The following AKAP12 variants were observed in gnomAD, a reference collection of about 807,000 sequenced individuals.
The protein encoded by AKAP12 is A-kinase anchoring protein 12.
In AKAP12, 32 loss-of-function variants were observed where a neutral mutation model predicts 79.9. The ratio of observed to expected loss-of-function variants is 0.40; its 90% CI spans 0.30 to 0.54. The LOEUF (loss-of-function observed/expected upper bound fraction) is 0.54. Among genes scored for constraint, AKAP12 ranks in the 20% least tolerant of loss-of-function variants. AKAP12 has a pLI of 0.48. For missense variants in AKAP12, 2,074 were observed against 2,177.0 expected, an observed-to-expected ratio of 0.95 and a Z score of 0.94; for synonymous variants, 808 against 857.0, an observed-to-expected ratio of 0.94 and a Z score of 1.00.
intron 3 of AKAP12, among the ~76,000 whole-genome samples, chr6:151,315,090 A>G (rs1777207157): frequency 6.6e-6 from 1 of 151,758 alleles, no homozygotes; most frequent in African/African-American, 2.4e-5. Context: ...CTTTTCCTTG[A>G]AGGGACTGAG....
At chr6:151,324,785 A>G in intron 3 of AKAP12, 2 of 985,460 alleles carry the variant, frequency 2.0e-6, no homozygotes, top group Non-Finnish European at 2.4e-6. Flanking sequence ...TAAAATTGTG[A>G]GACCACACCA....
At position 151,349,428 on chromosome 6, in the gene AKAP12, C is replaced by T. The variant is rs1778212970; in HGVS notation, c.1037C>T (p.Ala346Val). The T allele has an allele frequency of 7.5e-6, 12 of 1,610,130 alleles. No homozygotes were observed. The highest frequency in any genetic ancestry group is 1.1e-5 in the South Asian group (1 of 90,966). The change falls in exon 4 of 5, where the codon GCC becomes GTC. Residue 346 changes from alanine to valine, a missense_variant. Transcript: ENST00000402676. ...DTEEDGKAEV[A>V]SEKLTASEQA... is the part of the protein sequence containing the mutation. ...GAAGAAGACGGAAAGGCAGAGGTTG[C>T]CTCCGAGAAACTGACCGCCTCCGAG...
At chr6:151,259,891 A>C (rs567614166) in intron 2 of AKAP12, among the ~76,000 whole-genome samples, 10 of 135,944 alleles carry the variant, frequency 7.4e-5, no homozygotes, top group African/African-American at 3.1e-4. Flanking sequence ...CTTTTCTTCA[A>C]TGTAACTTTC....
In AKAP12 at chr6:151,350,124, GT is replaced by G; in HGVS notation, c.1734del (p.Leu579TrpfsTer5). ...CCTGAGGAGCCCGAGGAGATCACGT[GT>G]CTGGAAAAGGGCTTAGCCGAGGTGC... ...SSPEEPEEIT[C>X]LEKGLAEVQQ... On this transcript the variant is annotated frameshift_variant, in exon 4 of 5. Transcript: ENST00000402676. LOFTEE classifies it high-confidence loss of function. This position sits in a 1 kb window ranked among gnomAD's most constrained non-coding sequence, Gnocchi z 4.8. 1 of 1,614,040 alleles carries G rather than the reference GT, an allele frequency of 6.2e-7. No homozygotes were observed. Among genetic ancestry groups the G allele is most frequent in the Middle Eastern group, 1.7e-4 (1 of 6,056 alleles).
At chr6:151,305,703 A>T (rs773821395) in intron 2 of AKAP12, 44 bp from the exon 3 acceptor site, 4 of 1,564,820 alleles carry the variant, frequency 2.6e-6, no homozygotes, top group Non-Finnish European at 3.5e-6. Context: ...TGACTTGGTC[A>T]TGAGGACTGA....
intron 2 of AKAP12, among the ~76,000 whole-genome samples, chr6:151,265,214 CTT>C (rs11308850): frequency 1.2e-3 from 176 of 142,298 alleles, no homozygotes; most frequent in East Asian, 6.8e-3. Context: ...AATCAAGCCT[CTT>C]TTTTTTTTTT....
chr6:151,276,036 A>G (rs766229321), intron 2 of AKAP12, among the ~76,000 whole-genome samples: 7 of 152,338 alleles, frequency 4.6e-5, no homozygotes, highest in Non-Finnish European at 4.4e-5. Flanking sequence ...TGTCACCACT[A>G]AGCATTTGTT....
chr6:151,250,500 A>AAAAT lies in AKAP12; in HGVS notation c.162+9796_162+9799dup, dbSNP rs1169289326. On this transcript the variant is annotated intron_variant, in intron 2 of 4. Transcript: ENST00000402676. ...GGGTGACAGAGTGAGACTCCATCTT[A>AAAAT]AAATAAATAAATAAATAAATAAAAT... 8.0e-5 allele frequency among the ~76,000 whole-genome samples: 12 copies of AAAAT among 150,766 alleles called. 1 individual carries two copies. Among genetic ancestry groups the AAAAT allele is most frequent in the South Asian group, 6.3e-4 (3 of 4,794 alleles).
chr6:151,255,891 A>G (rs1797283423), intron 2 of AKAP12, among the ~76,000 whole-genome samples: 1 of 152,186 alleles, frequency 6.6e-6, no homozygotes, highest in African/African-American at 2.4e-5. Context: ...TTTTAACTGA[A>G]CTTGAACTTG....
intron 2 of AKAP12, among the ~76,000 whole-genome samples, chr6:151,284,092 A>T (rs1776456333): frequency 6.6e-6 from 1 of 152,200 alleles, no homozygotes; most frequent in South Asian, 2.1e-4. Flanking sequence ...AGGTGAACGC[A>T]CGAGTAACCC....
rs1037516161 is a variant in AKAP12 at position 151,356,972 on chromosome 6, G to A, written c.*1258G>A. ...TAAACCAGTAGCTTTTCAGATTGACGTTCTTGCTACAATTGTACCATCTGG... is the reference window on the plus strand; with the variant it reads ...TAAACCAGTAGCTTTTCAGATTGACATTCTTGCTACAATTGTACCATCTGG... On this transcript the variant is annotated 3_prime_UTR_variant, in exon 5 of 5. Coordinates refer to ENST00000402676, the MANE Select transcript of AKAP12 (RefSeq NM_005100.4). The A allele has an allele frequency of 6.6e-5, 10 of 152,268 alleles. No homozygotes were observed. The highest frequency in any genetic ancestry group is 2.4e-4 in the African/African-American group (10 of 41,540). 9.4% of individuals were successfully genotyped at this position (152,268 alleles called of 1,614,324 possible). A position where few individuals can be genotyped will look rare whatever the true frequency, so the allele number is the denominator to read the frequency against.
At chr6:151,327,118 A>ATT (rs71922297) in intron 3 of AKAP12, among the ~76,000 whole-genome samples, 20,519 of 140,950 alleles carry the variant, frequency 0.15, 2,027 homozygotes, top group African/African-American at 0.27. Context: ...CCTGGCCTAC[A>ATT]TTTTTTTTTT....
chr6:151,250,172 G>A (rs955095569), intron 2 of AKAP12, among the ~76,000 whole-genome samples: 1 of 152,046 alleles, frequency 6.6e-6, no homozygotes, highest in Non-Finnish European at 1.5e-5. Flanking sequence ...TAGAGCCCGG[G>A]AAGTTGAAGC....
In AKAP12 at chr6:151,240,542, C is replaced by A; in HGVS notation, c.-21C>A. 7.0e-7 allele frequency: 1 copy of A among 1,426,096 alleles called. No homozygotes were observed. The highest frequency in any genetic ancestry group is 1.4e-5 in the South Asian group (1 of 70,228). 88.3% of individuals were successfully genotyped at this position (1,426,096 alleles called of 1,614,324 possible). A position where few individuals can be genotyped will look rare whatever the true frequency, so the allele number is the denominator to read the frequency against. On this transcript the variant is annotated 5_prime_UTR_variant, in exon 2 of 5. Coordinates refer to ENST00000402676, the MANE Select transcript of AKAP12 (RefSeq NM_005100.4). ...GAAGGCGTAACCCGGCGGCTAGGCG[C>A]GGGAGAAGTGCGGAGGAGCCATGGG...
In AKAP12 at chr6:151,350,943, A is replaced by C; in HGVS notation, c.2552A>C (p.Glu851Ala). The change falls in exon 4 of 5, where the codon GAG (glutamate) becomes GCG (alanine). Residue 851 changes from glutamate to alanine, a missense_variant. Physicochemically the swap from Glu to Ala is moderately radical, Grantham distance 107. This residue lies in a region of AKAP12 where 1,428 missense variants were observed against 1,451.0 expected (regional missense o/e 0.98). Coordinates refer to ENST00000402676, the MANE Select transcript of AKAP12 (RefSeq NM_005100.4). This position sits in a 1 kb window ranked among gnomAD's most constrained non-coding sequence, Gnocchi z 4.8. ...GTCCCGGCCGTGGTCCCTCTGTCTGAGTATGATGCTGTAGAAAGGGAGAAA... is the reference window on the plus strand; with the variant it reads ...GTCCCGGCCGTGGTCCCTCTGTCTGCGTATGATGCTGTAGAAAGGGAGAAA... ...SDVPAVVPLS[E>A]YDAVEREKME... 6.2e-7 allele frequency: 1 copy of C among 1,614,024 alleles called. No individual in the cohort carries two copies. Among genetic ancestry groups the C allele is most frequent in the South Asian group, 1.1e-5 (1 of 91,072 alleles).
Position 151,305,757 on chromosome 6 carries a change from A to G in AKAP12, c.173A>G (p.Lys58Arg), listed in dbSNP as rs1366269948. The change falls in exon 3 of 5, where the codon AAG (lysine) becomes AGG (arginine). Residue 58 changes from lysine (K) to arginine (R), a missense_variant. Lys to Arg is a conservative substitution (Grantham distance 26). This residue lies in a region of AKAP12 where 1,428 missense variants were observed against 1,451.0 expected (regional missense o/e 0.98). Transcript: ENST00000402676. ...ASDPATKLLQ[K>R]NGQLSTINGV... ...TTGTCTTTTCCATAGCTCCTACAGAAGAATGGTCAGCTGTCCACCATCAAT... is the reference window on the plus strand; with the variant it reads ...TTGTCTTTTCCATAGCTCCTACAGAGGAATGGTCAGCTGTCCACCATCAAT... The G allele has an allele frequency of 1.2e-6, 2 of 1,611,366 alleles. No individual in the cohort carries two copies. Among genetic ancestry groups the G allele is most frequent in the Non-Finnish European group, 1.7e-6 (2 of 1,179,080 alleles).
intron 3 of AKAP12, chr6:151,324,810 C>A: frequency 1.0e-6 from 1 of 985,366 alleles, no homozygotes; most frequent in South Asian, 4.7e-5. Context: ...ATTCGTCACT[C>A]GTGTCTTTAC....
chr6:151,288,948 A>G (rs1776561397), intron 2 of AKAP12, among the ~76,000 whole-genome samples: 2 of 152,242 alleles, frequency 1.3e-5, no homozygotes, highest in South Asian at 2.1e-4. Flanking sequence ...TATGATTTAT[A>G]AATGAGGTTA....
At chr6:151,354,150 C>CAA (rs935049461) in intron 4 of AKAP12, among the ~76,000 whole-genome samples, 43 of 116,786 alleles carry the variant, frequency 3.7e-4, no homozygotes, top group African/African-American at 1.3e-3. Flanking sequence ...GACTCCGTCT[C>CAA]AAAAAAAAAA....
Sources: allele counts gnomAD v4.1 joint callset (sites outside exome capture counted in the v4.1 genomes callset), GRCh38; gene constraint gnomAD v4.1.1; regional missense constraint gnomAD v4.1.1; non-coding constraint Gnocchi (gnomAD v3.1); transcripts MANE v1.5; gene names NCBI Gene and HGNC (gene_info 2026-07-23, HGNC 2026-07-21).